Variants in SORCS3 observed in about 807,000 individuals in gnomAD.
SORCS3 encodes the protein VPS10 domain-containing receptor SorCS3.
A neutral mutation model predicts 146.3 loss-of-function variants in SORCS3; 57 were observed. That is an observed-to-expected ratio of 0.39 (90% confidence interval 0.31 to 0.49). The LOEUF is 0.49. Ranked by LOEUF, SORCS3 falls within the 20% of genes least tolerant of loss-of-function variation. The pLI, the probability that SORCS3 is intolerant of heterozygous loss-of-function variation, is 0.92. For synonymous variants in SORCS3, 653 were observed against 618.5 expected (o/e 1.06, Z -0.83); for missense variants, 1,341 against 1,575.5 (o/e 0.85, Z 2.52).
In SORCS3 at chr10:104,915,238, C is replaced by G. The variant is rs566085803; in HGVS notation, c.696-595C>G. On this transcript the variant is annotated intron_variant, in intron 2 of 26. Transcript: ENST00000369701. ...GCAGCCCAGTGCCATAGGCTTTTCA[C>G]CCTGGACACACCCACATCGTTGTCC... Among the ~76,000 whole-genome samples the G allele has an allele frequency of 2.0e-5, 3 of 152,134 alleles. No homozygotes were observed. The South Asian group carries it at 6.2e-4, about 32-fold the overall frequency.
At chr10:104,867,186 T>C (rs1038663046) in intron 2 of SORCS3, among the ~76,000 whole-genome samples, 1 of 93,676 alleles carries the variant, frequency 1.1e-5, no homozygotes, top group East Asian at 3.8e-4. Flanking sequence ...TGAAAGGAAC[T>C]GGGTGGGCTT....
rs11340368 is a variant in SORCS3, at chr10:105,182,230, C to CTTTTTTTTTTTTTTTT, written c.2009+4065_2009+4080dup. Among the ~76,000 whole-genome samples, 246 of 70,470 alleles carry CTTTTTTTTTTTTTTTT rather than the reference C, an allele frequency of 3.5e-3. 27 individuals carry two copies. Among genetic ancestry groups the CTTTTTTTTTTTTTTTT allele is most frequent in the Middle Eastern group, 7.9e-3 (1 of 126 alleles). 46.2% of individuals were successfully genotyped at this position (70,470 alleles called of 152,430 possible). A position where few individuals can be genotyped will look rare whatever the true frequency, so the allele number is the denominator to read the frequency against. On this transcript the variant is annotated intron_variant, in intron 14 of 26. Transcript: ENST00000369701. ...CAGCCAACTTGTGACTATTCAGCAT[C>CTTTTTTTTTTTTTTTT]TTTTTTTTTTTTTTTTTTTTTTTGT...
At chr10:105,222,056 T>C in intron 19 of SORCS3, among the ~76,000 whole-genome samples, 1 of 145,850 alleles carries the variant, frequency 6.9e-6, no homozygotes, top group East Asian at 2.0e-4. Flanking sequence ...TTTTTTTTTT[T>C]TTTTTTTTTT....
At chr10:104,723,946 C>G (rs530293636) in intron 1 of SORCS3, among the ~76,000 whole-genome samples, 4 of 152,134 alleles carry the variant, frequency 2.6e-5, no homozygotes, top group Admixed American at 6.5e-5. Flanking sequence ...CAGTCTGTGT[C>G]TTTTAATTGG....
intron 1 of SORCS3, among the ~76,000 whole-genome samples, chr10:104,694,492 C>T (rs2133424334): frequency 6.6e-6 from 1 of 152,130 alleles, no homozygotes; most frequent in Admixed American, 6.5e-5. Context: ...GCCTTCATTC[C>T]CCAGCTGCTT....
chr10:104,800,131 G>A (rs538451257), intron 1 of SORCS3, among the ~76,000 whole-genome samples: 4 of 152,170 alleles, frequency 2.6e-5, no homozygotes, highest in South Asian at 2.1e-4. Flanking sequence ...ACATCCAGAC[G>A]ATGGAAGCCT....
chr10:104,928,528 C>A (rs896954159), intron 3 of SORCS3, among the ~76,000 whole-genome samples: 1 of 131,566 alleles, frequency 7.6e-6, no homozygotes, highest in Non-Finnish European at 1.5e-5. Context: ...AGAAATGACT[C>A]GATTTTTTTT....
At chr10:105,084,464 G>T (rs1286579777) in intron 5 of SORCS3, among the ~76,000 whole-genome samples, 9 of 152,240 alleles carry the variant, frequency 5.9e-5, no homozygotes, top group Admixed American at 4.6e-4. Flanking sequence ...TGGTGTATTT[G>T]TGTGTACTTC....
intron 1 of SORCS3, among the ~76,000 whole-genome samples, chr10:104,786,005 G>A (rs12261486): frequency 0.044 from 6,686 of 152,184 alleles, 462 homozygotes; most frequent in African/African-American, 0.15. Context: ...AATTGCTTTT[G>A]TGAATCTATA....
chr10:105,000,587 G>A (rs1273677717), intron 4 of SORCS3, among the ~76,000 whole-genome samples: 2 of 152,108 alleles, frequency 1.3e-5, no homozygotes, highest in African/African-American at 4.8e-5. Context: ...GGCATCTATT[G>A]TGCAGATTTT....
rs541779022 is a variant in SORCS3 at position 104,686,800 on chromosome 10, C to T, written c.627+44846C>T. ...CCCTCTTAGAACCACAAACCCACCC[C>T]GTCTCAGGATCCTCATACATCTGTT... On this transcript the variant is annotated intron_variant, in intron 1 of 26. Transcript: ENST00000369701. Among the ~76,000 whole-genome samples the T allele has an allele frequency of 4.6e-5, 7 of 152,274 alleles. No homozygotes were observed. The South Asian group carries it at 1.0e-3, about 23-fold the overall frequency.
chr10:105,217,858 G>GA (rs1429006785), intron 19 of SORCS3: 1 of 453,934 alleles, frequency 2.2e-6, no homozygotes, highest in African/African-American at 2.0e-5. Flanking sequence ...TCGGGTCGAG[G>GA]AAATGTTGTC....
intron 1 of SORCS3, among the ~76,000 whole-genome samples, chr10:104,652,355 A>G (rs943039745): frequency 1.3e-5 from 2 of 152,172 alleles, no homozygotes; most frequent in African/African-American, 4.8e-5. Flanking sequence ...CACAAAGTAG[A>G]TGTGATATTA....
chr10:104,692,570 A>T (rs1487834662), intron 1 of SORCS3, among the ~76,000 whole-genome samples: 1 of 152,214 alleles, frequency 6.6e-6, no homozygotes, highest in Admixed American at 6.5e-5. Flanking sequence ...TGAATGAGTC[A>T]TCATTCTTGT....
chr10:104,938,540 T>C (rs192492412), intron 3 of SORCS3, among the ~76,000 whole-genome samples: 1 of 146,876 alleles, frequency 6.8e-6, no homozygotes, highest in Admixed American at 6.7e-5. Flanking sequence ...ATGCCCATAG[T>C]ATCCTCTTAA....
intron 13 of SORCS3, among the ~76,000 whole-genome samples, chr10:105,175,186 T>C (rs2056389885): frequency 6.6e-6 from 1 of 152,010 alleles, no homozygotes; most frequent in African/African-American, 2.4e-5. Flanking sequence ...TAGCTGGGAT[T>C]ACAGGCATGC....
At chr10:105,146,407 T>TA (rs1045033747) in intron 8 of SORCS3, among the ~76,000 whole-genome samples, 2 of 152,010 alleles carry the variant, frequency 1.3e-5, no homozygotes, top group African/African-American at 4.8e-5. Flanking sequence ...AGTCCGGGAT[T>TA]AAAACTAAAG....
rs558694567 is a variant in SORCS3 at position 104,742,598 on chromosome 10, A to C, written c.628-100194A>C. Among the ~76,000 whole-genome samples the C allele has an allele frequency of 3.3e-5, 5 of 152,330 alleles. No homozygotes were observed. The South Asian group carries it at 8.3e-4, about 25-fold the overall frequency. ...GCAGGCCCAAATTTGGGCCTCAGTC[A>C]ACAACATTGGGCTGCAGACCTTGGA... On this transcript the variant is annotated intron_variant, in intron 1 of 26. Coordinates refer to ENST00000369701, the MANE Select transcript of SORCS3 (RefSeq NM_014978.3).
intron 4 of SORCS3, among the ~76,000 whole-genome samples, chr10:105,014,120 T>C (rs113655068): frequency 0.012 from 1,778 of 148,256 alleles, 31 homozygotes; most frequent in African/African-American, 0.041. Flanking sequence ...CACATATATA[T>C]ACATATATAT....
Sources: allele counts gnomAD v4.1 joint callset (sites outside exome capture counted in the v4.1 genomes callset), GRCh38; gene constraint gnomAD v4.1.1; transcripts MANE v1.5; gene names NCBI Gene and HGNC (gene_info 2026-07-23, HGNC 2026-07-21).